Variants in XRCC4 observed in about 807,000 individuals in gnomAD.
XRCC4 encodes X-ray repair cross complementing 4.
Under a neutral mutation model 39.1 loss-of-function variants are expected in XRCC4, and 28 were observed. The ratio of observed to expected loss-of-function variants is 0.72; its 90% CI spans 0.53 to 0.98. XRCC4 has a LOEUF of 0.98. Among genes scored for constraint, XRCC4 ranks in the 50% least tolerant of loss-of-function variants. XRCC4 has a pLI of 0.00. For synonymous variants in XRCC4, 123 were observed against 126.4 expected (o/e 0.97, Z 0.18); for missense variants, 350 against 376.4 (o/e 0.93, Z 0.58).
At chr5:83,275,694 T>A (rs1754306778) in intron 7 of XRCC4, among the ~76,000 whole-genome samples, 1 of 152,176 alleles carries the variant, frequency 6.6e-6, no homozygotes, top group South Asian at 2.1e-4. Context: ...AGATAAAGAT[T>A]GGAGAGTCCT....
At chr5:83,161,822 T>C (rs913361684) in intron 3 of XRCC4, among the ~76,000 whole-genome samples, 27 of 152,108 alleles carry the variant, frequency 1.8e-4, no homozygotes, top group African/African-American at 6.5e-4. Context: ...AGTGAACTTT[T>C]GATTTGCTGA....
intron 6 of XRCC4, among the ~76,000 whole-genome samples, chr5:83,240,311 A>G (rs1170517986): frequency 6.6e-6 from 1 of 152,208 alleles, no homozygotes; most frequent in Non-Finnish European, 1.5e-5. Context: ...TATTAAATTG[A>G]CATTTTAGAA....
chr5:83,320,407 A>G (rs575686239), intron 7 of XRCC4, among the ~76,000 whole-genome samples: 73 of 151,634 alleles, frequency 4.8e-4, no homozygotes, highest in African/African-American at 1.6e-3. Context: ...AAAAAGAAAT[A>G]AAAACCACTC....
At chr5:83,277,225 A>G (rs1051539253) in intron 7 of XRCC4, among the ~76,000 whole-genome samples, 1 of 152,226 alleles carries the variant, frequency 6.6e-6, no homozygotes, top group Non-Finnish European at 1.5e-5. Flanking sequence ...CTGTTCACCA[A>G]ATATTTCCAG....
At chr5:83,101,519 CTTT>C (rs200460324) in intron 1 of XRCC4, among the ~76,000 whole-genome samples, 3 of 148,236 alleles carry the variant, frequency 2.0e-5, no homozygotes, top group African/African-American at 7.3e-5. Context: ...GTTTTAATTT[CTTT>C]TTTTTTTGTT....
chr5:83,363,064 A>C, the XRCC4 span, among the ~76,000 whole-genome samples: 1 of 152,310 alleles, frequency 6.6e-6, no homozygotes, highest in Non-Finnish European at 1.5e-5. Context: ...GACAATCAAG[A>C]TACGTGGTAA....
intron 5 of XRCC4, among the ~76,000 whole-genome samples, chr5:83,204,029 G>A (rs1167869729): frequency 1.3e-5 from 2 of 152,038 alleles, no homozygotes; most frequent in Non-Finnish European, 2.9e-5. Context: ...ACAAAAGTTG[G>A]ATGCATATTT....
At chr5:83,329,571 A>G (rs1483085839) in intron 7 of XRCC4, among the ~76,000 whole-genome samples, 1 of 152,140 alleles carries the variant, frequency 6.6e-6, no homozygotes, top group African/African-American at 2.4e-5. Context: ...TACAAGAGAA[A>G]CTTTTCAGTA....
rs541736436 is a variant in XRCC4 at position 83,258,401 on chromosome 5, A to G, written c.746-129A>G. On this transcript the variant is annotated intron_variant, in intron 6 of 7. Coordinates refer to ENST00000396027, the MANE Select transcript of XRCC4 (RefSeq NM_003401.5). ...CTGACTTGATTCAACAAATCTGCAT[A>G]AAGATTTGAAAGAATAGTTTTGCTA... 53 of 1,139,714 alleles carry G rather than the reference A, an allele frequency of 4.7e-5. No homozygotes were observed. In the East Asian group the frequency reaches 1.1e-3, roughly 23 times the overall value. The allele number at this position is 1,139,714 out of a possible 1,614,324, so 70.6% of individuals were successfully genotyped here. A position where few individuals can be genotyped will look rare whatever the true frequency, so the allele number is the denominator to read the frequency against.
At chr5:83,130,226 C>T (rs1747499049) in intron 3 of XRCC4, among the ~76,000 whole-genome samples, 1 of 152,080 alleles carries the variant, frequency 6.6e-6, no homozygotes, top group African/African-American at 2.4e-5. Context: ...TTGAGATAAT[C>T]ATGTGGTTTT....
At chr5:83,282,289 C>T (rs571953792) in intron 7 of XRCC4, among the ~76,000 whole-genome samples, 39 of 151,874 alleles carry the variant, frequency 2.6e-4, no homozygotes, top group African/African-American at 4.4e-4. Flanking sequence ...CAGGAATGTA[C>T]GCAAATAACT....
rs1746924975 is a variant in XRCC4 at position 83,120,008 on chromosome 5, AAAAAAAAC to A, written c.315+8808_315+8815del. Among the ~76,000 whole-genome samples the A allele has an allele frequency of 2.0e-5, 3 of 151,440 alleles. No individual in the cohort carries two copies. In the South Asian group the frequency reaches 6.2e-4, roughly 31 times the overall value. The stretch of plus-strand genomic sequence containing the variant: ...TGAGACCTTGTCTCACAAAAAAAAA[AAAAAAAAC>A]AATAACAGAAACAAAAACAAACAAA... On this transcript the variant is annotated intron_variant, in intron 3 of 7. Transcript: ENST00000396027.
chr5:83,296,449 A>G (rs1402075497), intron 7 of XRCC4, among the ~76,000 whole-genome samples: 1 of 152,160 alleles, frequency 6.6e-6, no homozygotes. Flanking sequence ...TTTCTTTGAC[A>G]AGGATATGCC....
chr5:83,155,229 AGTG>A (rs1396497599), intron 3 of XRCC4, among the ~76,000 whole-genome samples: 29 of 152,156 alleles, frequency 1.9e-4, no homozygotes, highest in African/African-American at 6.8e-4. Context: ...TCATATCATG[AGTG>A]TATATGATTC....
chr5:83,159,612 C>G (rs1217982795), intron 3 of XRCC4, among the ~76,000 whole-genome samples: 1 of 152,076 alleles, frequency 6.6e-6, no homozygotes, highest in East Asian at 1.9e-4. Context: ...GACCTGTCTT[C>G]TTATACGGAA....
chr5:83,196,564 G>A (rs1750957084), intron 4 of XRCC4, among the ~76,000 whole-genome samples: 1 of 151,778 alleles, frequency 6.6e-6, no homozygotes, highest in South Asian at 2.1e-4. Flanking sequence ...CTGGCCCAAT[G>A]TGTAACCTTT....
chr5:83,112,728 GCAAA>G (rs1374319565), intron 3 of XRCC4, among the ~76,000 whole-genome samples: 1 of 152,078 alleles, frequency 6.6e-6, no homozygotes, highest in Non-Finnish European at 1.5e-5. Context: ...ATGGTGGCAG[GCAAA>G]AGAACATGTG....
At chr5:83,217,607 G>A (rs1345219346) in intron 6 of XRCC4, among the ~76,000 whole-genome samples, 1 of 152,082 alleles carries the variant, frequency 6.6e-6, no homozygotes, top group Admixed American at 6.6e-5. Context: ...ATGAAGTAGA[G>A]CTGAACCTCA....
At chr5:83,106,167 G>T (rs1306958074) in intron 2 of XRCC4, among the ~76,000 whole-genome samples, 1 of 152,148 alleles carries the variant, frequency 6.6e-6, no homozygotes, top group Non-Finnish European at 1.5e-5. Context: ...TGCAGTTCAA[G>T]AGTAGAAGAT....
Sources: allele counts gnomAD v4.1 joint callset (sites outside exome capture counted in the v4.1 genomes callset), GRCh38; gene constraint gnomAD v4.1.1; transcripts MANE v1.5; gene names NCBI Gene and HGNC (gene_info 2026-07-23, HGNC 2026-07-21).